The following THAP11 variants were observed in gnomAD, a reference collection of about 807,000 sequenced individuals.
The protein encoded by THAP11 is THAP domain containing 11.
In THAP11, 8 loss-of-function variants were observed where a neutral mutation model predicts 24.1. The ratio of observed to expected loss-of-function variants is 0.33; its 90% CI spans 0.20 to 0.60. The LOEUF is 0.60. Among genes scored for constraint, THAP11 ranks in the 20% least tolerant of loss-of-function variants. THAP11 has a pLI of 0.82. For missense variants in THAP11, 276 were observed against 418.4 expected, an observed-to-expected ratio of 0.66 and a Z score of 2.97; for synonymous variants, 222 against 180.2, an observed-to-expected ratio of 1.23 and a Z score of -1.86.
At position 67,842,722 on chromosome 16, in the gene THAP11, A is replaced by C. The variant is rs1193733631; in HGVS notation, c.168A>C (p.Thr56=). 1.2e-6 allele frequency: 2 copies of C among 1,606,382 alleles called. No individual in the cohort carries two copies. The highest frequency in any genetic ancestry group is 1.7e-6 in the Non-Finnish European group (2 of 1,176,566). ...SGCFSTFQPT[T]GHRLCSVHFQ... ...GCTTCTCCACCTTCCAGCCCACCAC[A>C]GGCCACCGTCTCTGCAGCGTTCACT... Residue 56 remains threonine, a synonymous_variant, in exon 1 of 1, where the codon ACA becomes ACC. Transcript: ENST00000303596. This position sits in a 1 kb window ranked among gnomAD's most constrained non-coding sequence, Gnocchi z 4.9.
At position 67,843,816 on chromosome 16, in the gene THAP11, G is replaced by T; in HGVS notation, c.*317G>T. 3.1e-6 allele frequency: 1 copy of T among 324,356 alleles called. No homozygotes were observed. The highest frequency in any genetic ancestry group is 5.3e-5 in the South Asian group (1 of 18,786). The allele number at this position is 324,356 out of a possible 1,614,324, so 20.1% of individuals were successfully genotyped here. A position where few individuals can be genotyped will look rare whatever the true frequency, so the allele number is the denominator to read the frequency against. On this transcript the variant is annotated 3_prime_UTR_variant, in exon 1 of 1. Coordinates refer to ENST00000303596, the MANE Select transcript of THAP11 (RefSeq NM_020457.3). The surrounding 1 kb of genome is among the most constrained non-coding windows in gnomAD (Gnocchi z 5.7). ...ACTTACCCTCTAGGGATGCAGGTGG[G>T]ATGTCCAGGGACTATAGGTTTGGGA... is the stretch of plus-strand genomic sequence containing the variant.
In THAP11 at chr16:67,842,548, C is replaced by T. The variant is rs2057769420; in HGVS notation, c.-7C>T. The T allele has an allele frequency of 6.6e-7, 1 of 1,509,964 alleles. No individual in the cohort carries two copies. The highest frequency in any genetic ancestry group is 2.5e-5 in the East Asian group (1 of 40,318). The allele number at this position is 1,509,964 out of a possible 1,614,324, so 93.5% of individuals were successfully genotyped here. On this transcript the variant is annotated 5_prime_UTR_variant, in exon 1 of 1. Coordinates refer to ENST00000303596, the MANE Select transcript of THAP11 (RefSeq NM_020457.3). The surrounding 1 kb of genome is among the most constrained non-coding windows in gnomAD (Gnocchi z 4.9). ...CGGTGGGCCGGGCCGGGCCGCGCGG[C>T]GCAGCCATGCCTGGCTTTACGTGCT...
chr16:67,843,326 C>T lies in THAP11; in HGVS notation c.772C>T (p.Leu258=), dbSNP rs761681569. The T allele has an allele frequency of 6.2e-6, 10 of 1,613,938 alleles. No individual in the cohort carries two copies. The Admixed American group carries it at 1.3e-4, about 22-fold the overall frequency. ...LSSGTTEEEL[L]RKLNEQRDIL... ...GTCAGGCACCACGGAGGAGGAGCTC[C>T]TGCGCAAGCTGAATGAGCAGCGGGA... The change falls in exon 1 of 1, where the codon CTG becomes TTG. Residue 258 remains leucine, a synonymous_variant. Transcript: ENST00000303596. The surrounding 1 kb of genome is among the most constrained non-coding windows in gnomAD (Gnocchi z 5.7).
chr16:67,842,878 GCAGCAGCAGCAGCAA>G lies in THAP11; in HGVS notation c.333_347del (p.Gln128_Gln132del), dbSNP rs757813379. The G allele has an allele frequency of 1.9e-6, 3 of 1,592,950 alleles. No individual in the cohort carries two copies. The highest frequency in any genetic ancestry group is 1.7e-4 in the Middle Eastern group (1 of 5,864). ...CCCGCCGCAGGCAGCAGCAGCAACA[GCAGCAGCAGCAGCAA>G]CAGCAGCAACAGCAGCAGCAGCAGC... is the stretch of plus-strand genomic sequence containing the variant. On this transcript the variant is annotated inframe_deletion, in exon 1 of 1. Coordinates refer to ENST00000303596, the MANE Select transcript of THAP11 (RefSeq NM_020457.3). This position sits in a 1 kb window ranked among gnomAD's most constrained non-coding sequence, Gnocchi z 4.9.
Position 67,843,466 on chromosome 16 carries a change from C to G in THAP11, c.912C>G (p.Ala304=). 3 of 1,612,730 alleles carry G rather than the reference C, an allele frequency of 1.9e-6. No individual in the cohort carries two copies. The highest frequency in any genetic ancestry group is 2.5e-6 in the Non-Finnish European group (3 of 1,179,308). The change falls in exon 1 of 1, where the codon GCC becomes GCG. Residue 304 remains alanine (A), a synonymous_variant. Transcript: ENST00000303596. This position sits in a 1 kb window ranked among gnomAD's most constrained non-coding sequence, Gnocchi z 5.7. ...EELREKDRLL[A]MAVIRKKHGM ...TGCGTGAGAAGGATCGGCTGCTTGC[C>G]ATGGCTGTCATCCGCAAGAAGCACG...
In THAP11 at chr16:67,843,428, C is replaced by T. The variant is rs2057778547; in HGVS notation, c.874C>T (p.Leu292=). Residue 292 remains leucine (L), a synonymous_variant, in exon 1 of 1, where the codon CTG becomes TTG. Coordinates refer to ENST00000303596, the MANE Select transcript of THAP11 (RefSeq NM_020457.3). This position sits in a 1 kb window ranked among gnomAD's most constrained non-coding sequence, Gnocchi z 5.7. The part of the protein sequence containing the change: ...IRHLRLTEAK[L]REELREKDRL... ...CCACCTGCGTCTCACTGAGGCCAAG[C>T]TGCGCGAAGAACTGCGTGAGAAGGA... The T allele has an allele frequency of 6.2e-7, 1 of 1,613,968 alleles. No individual in the cohort carries two copies. Among genetic ancestry groups the T allele is most frequent in the Non-Finnish European group, 8.5e-7 (1 of 1,180,032 alleles).
Position 67,842,748 on chromosome 16 carries a change from TC to T in THAP11, c.196del (p.Gln66ArgfsTer25). ...GGCCACCGTCTCTGCAGCGTTCACTTCCAGGGCGGCCGCAAGACCTACACGG... is the reference window on the plus strand; with the variant it reads ...GGCCACCGTCTCTGCAGCGTTCACTTCAGGGCGGCCGCAAGACCTACACGG... ...TTGHRLCSVH[F>X]QGGRKTYTVR... On this transcript the variant is annotated frameshift_variant, in exon 1 of 1. Transcript: ENST00000303596. LOFTEE classifies it high-confidence loss of function. The surrounding 1 kb of genome is among the most constrained non-coding windows in gnomAD (Gnocchi z 4.9). The T allele has an allele frequency of 6.2e-7, 1 of 1,608,710 alleles. No homozygotes were observed.
rs149782764 is a variant in THAP11 at position 67,842,969 on chromosome 16, A to G, written c.415A>G (p.Thr139Ala). The part of the protein sequence containing the change: ...QQQQSSPSAS[T>A]AQTAQLQPNL... Reference sequence around the variant, plus strand: ...GCAGCAGTCCTCACCCTCTGCCTCCACTGCCCAGACTGCCCAGCTGCAGCC... The same window carrying G: ...GCAGCAGTCCTCACCCTCTGCCTCCGCTGCCCAGACTGCCCAGCTGCAGCC... Residue 139 changes from threonine to alanine, a missense_variant, in exon 1 of 1, where the codon ACT becomes GCT. By Grantham distance (58) the Thr-to-Ala change is moderately conservative. Transcript: ENST00000303596. The surrounding 1 kb of genome is among the most constrained non-coding windows in gnomAD (Gnocchi z 4.9). 17 of 1,607,714 alleles carry G rather than the reference A, an allele frequency of 1.1e-5. No homozygotes were observed. The African/African-American group carries it at 2.1e-4, about 20-fold the overall frequency.
In THAP11 at chr16:67,843,176, G is replaced by A. The variant is rs150290499; in HGVS notation, c.622G>A (p.Ala208Thr). ...AAEGAAAAAA[A>T]SELQAATAGL... The stretch of plus-strand genomic sequence containing the variant: ...AGAGGGCGCAGCCGCTGCGGCCGCC[G>A]CGTCGGAGTTACAGGCTGCTACCGC... Residue 208 changes from alanine (A) to threonine (T), a missense_variant, in exon 1 of 1, where the codon GCG becomes ACG. Ala to Thr is a moderately conservative substitution (Grantham distance 58, BLOSUM62 0). This residue lies in a region of THAP11 where 210 missense variants were observed against 203.4 expected (regional missense o/e 1.03). Transcript: ENST00000303596. This position sits in a 1 kb window ranked among gnomAD's most constrained non-coding sequence, Gnocchi z 5.7. 1.2e-6 allele frequency: 2 copies of A among 1,610,816 alleles called. No individual in the cohort carries two copies. The highest frequency in any genetic ancestry group is 1.7e-6 in the Non-Finnish European group (2 of 1,179,578).
chr16:67,843,563 G>T lies in THAP11; in HGVS notation c.*64G>T. 1 of 1,518,048 alleles carries T rather than the reference G, an allele frequency of 6.6e-7. No individual in the cohort carries two copies. The highest frequency in any genetic ancestry group is 8.9e-7 in the Non-Finnish European group (1 of 1,119,348). 94.0% of individuals were successfully genotyped at this position (1,518,048 alleles called of 1,614,324 possible). A position where few individuals can be genotyped will look rare whatever the true frequency, so the allele number is the denominator to read the frequency against. On this transcript the variant is annotated 3_prime_UTR_variant, in exon 1 of 1. Coordinates refer to ENST00000303596, the MANE Select transcript of THAP11 (RefSeq NM_020457.3). This position sits in a 1 kb window ranked among gnomAD's most constrained non-coding sequence, Gnocchi z 5.7. ...TCCAGCCAGGGGACCGCAGGCCATT[G>T]TTGAACTCCTCTATACTCCTGGGCA...
At position 67,842,476 on chromosome 16, in the gene THAP11, G is replaced by A; in HGVS notation, c.-79G>A. The A allele has an allele frequency of 3.4e-6, 4 of 1,169,552 alleles. No individual in the cohort carries two copies. The highest frequency in any genetic ancestry group is 1.1e-6 in the Non-Finnish European group (1 of 923,554). 72.4% of individuals were successfully genotyped at this position (1,169,552 alleles called of 1,614,324 possible). On this transcript the variant is annotated 5_prime_UTR_variant, in exon 1 of 1. Coordinates refer to ENST00000303596, the MANE Select transcript of THAP11 (RefSeq NM_020457.3). This position sits in a 1 kb window ranked among gnomAD's most constrained non-coding sequence, Gnocchi z 4.9. Reference sequence around the variant, plus strand: ...GCCTCGCGCGGCGCCGCCCGTCGAGGGGCGGGCGGCGGCGTAGCCACTGGG... The same window carrying A: ...GCCTCGCGCGGCGCCGCCCGTCGAGAGGCGGGCGGCGGCGTAGCCACTGGG...
chr16:67,843,220 G>T lies in THAP11; in HGVS notation c.666G>T (p.Glu222Asp). The stretch of plus-strand genomic sequence containing the variant: ...CTACCGCAGGGCTGGAGGCTGCCGA[G>T]TGCCCTATGGGCCCCCAGTTGGTGG... ...QAATAGLEAA[E>D]CPMGPQLVVV... is the part of the protein sequence containing the mutation. The change falls in exon 1 of 1, where the codon GAG (glutamate) becomes GAT (aspartate). Residue 222 changes from glutamate to aspartate, a missense_variant. Physicochemically the swap from Glu to Asp is conservative, Grantham distance 45 (BLOSUM62 2). Coordinates refer to ENST00000303596, the MANE Select transcript of THAP11 (RefSeq NM_020457.3). This position sits in a 1 kb window ranked among gnomAD's most constrained non-coding sequence, Gnocchi z 5.7. The T allele has an allele frequency of 6.2e-7, 1 of 1,611,842 alleles. No homozygotes were observed. Among genetic ancestry groups the T allele is most frequent in the Non-Finnish European group, 8.5e-7 (1 of 1,179,518 alleles).
chr16:67,843,308 A>T lies in THAP11; in HGVS notation c.754A>T (p.Thr252Ser). ...CCATTCGTACTCCTTGTCGTCAGGCACCACGGAGGAGGAGCTCCTGCGCAA... is the reference window on the plus strand; with the variant it reads ...CCATTCGTACTCCTTGTCGTCAGGCTCCACGGAGGAGGAGCTCCTGCGCAA... ...SDHSYSLSSG[T>S]TEEELLRKLN... is the part of the protein sequence containing the mutation. Residue 252 changes from threonine to serine, a missense_variant, in exon 1 of 1, where the codon ACC becomes TCC. Physicochemically the swap from Thr to Ser is moderately conservative, Grantham distance 58. This residue lies in a region of THAP11 where 38 missense variants were observed against 95.9 expected (regional missense o/e 0.40). Transcript: ENST00000303596. This position sits in a 1 kb window ranked among gnomAD's most constrained non-coding sequence, Gnocchi z 5.7. 2 of 1,613,912 alleles carry T rather than the reference A, an allele frequency of 1.2e-6. No homozygotes were observed. The highest frequency in any genetic ancestry group is 1.7e-6 in the Non-Finnish European group (2 of 1,180,034).
chr16:67,842,392 G>T lies in THAP11; in HGVS notation c.-163G>T, dbSNP rs904044616. ...GCGGGCCGGCAGGAAGCGTATTCTG[G>T]GCACGGGGCGCCGGGCGGGCCGGCT... is the stretch of plus-strand genomic sequence containing the variant. On this transcript the variant is annotated 5_prime_UTR_variant, in exon 1 of 1. Coordinates refer to ENST00000303596, the MANE Select transcript of THAP11 (RefSeq NM_020457.3). The surrounding 1 kb of genome is among the most constrained non-coding windows in gnomAD (Gnocchi z 4.9). The T allele has an allele frequency of 2.8e-6, 1 of 357,008 alleles. No individual in the cohort carries two copies. The highest frequency in any genetic ancestry group is 7.8e-5 in the East Asian group (1 of 12,862). 22.1% of individuals were successfully genotyped at this position (357,008 alleles called of 1,614,324 possible). A position where few individuals can be genotyped will look rare whatever the true frequency, so the allele number is the denominator to read the frequency against.
chr16:67,843,728 T>G lies in THAP11; in HGVS notation c.*229T>G. On this transcript the variant is annotated 3_prime_UTR_variant, in exon 1 of 1. Transcript: ENST00000303596. This position sits in a 1 kb window ranked among gnomAD's most constrained non-coding sequence, Gnocchi z 5.7. ...CCAGCAATTATGACTTTGTCTACCC[T>G]TCCTCCCCAGTTATTGTTGCAGATT... 1 of 494,128 alleles carries G rather than the reference T, an allele frequency of 2.0e-6. No individual in the cohort carries two copies. Among genetic ancestry groups the G allele is most frequent in the Non-Finnish European group, 3.7e-6 (1 of 270,728 alleles). The allele number at this position is 494,128 out of a possible 1,614,324, so 30.6% of individuals were successfully genotyped here.
chr16:67,843,724 A>G lies in THAP11; in HGVS notation c.*225A>G, dbSNP rs938215484. On this transcript the variant is annotated 3_prime_UTR_variant, in exon 1 of 1. Coordinates refer to ENST00000303596, the MANE Select transcript of THAP11 (RefSeq NM_020457.3). This position sits in a 1 kb window ranked among gnomAD's most constrained non-coding sequence, Gnocchi z 5.7. ...GACACCAGCAATTATGACTTTGTCT[A>G]CCCTTCCTCCCCAGTTATTGTTGCA... is the stretch of plus-strand genomic sequence containing the variant. 2.4e-5 allele frequency: 12 copies of G among 506,198 alleles called. No individual in the cohort carries two copies. The highest frequency in any genetic ancestry group is 3.8e-5 in the Admixed American group (1 of 26,234). The allele number at this position is 506,198 out of a possible 1,614,324, so 31.4% of individuals were successfully genotyped here. A position where few individuals can be genotyped will look rare whatever the true frequency, so the allele number is the denominator to read the frequency against.
rs1598151584 is a variant in THAP11, at chr16:67,844,063, C to T, written c.*564C>T. The T allele has an allele frequency of 6.0e-6, 1 of 167,196 alleles. No individual in the cohort carries two copies. The highest frequency in any genetic ancestry group is 2.4e-5 in the African/African-American group (1 of 41,452). The allele number at this position is 167,196 out of a possible 1,614,324, so 10.4% of individuals were successfully genotyped here. Reference sequence around the variant, plus strand: ...GGATGACCTGCTGATGGAGATCCAGCTTGCCAGGGACTTAGGTTTATCCTG... The same window carrying T: ...GGATGACCTGCTGATGGAGATCCAGTTTGCCAGGGACTTAGGTTTATCCTG... On this transcript the variant is annotated 3_prime_UTR_variant, in exon 1 of 1. Coordinates refer to ENST00000303596, the MANE Select transcript of THAP11 (RefSeq NM_020457.3).
At position 67,844,130 on chromosome 16, in the gene THAP11, T is replaced by G. The variant is rs2057782489; in HGVS notation, c.*631T>G. ...TTACAAATTCTATTTTCTGTACAATTAGTCAGACTAAAGTTTTCACTGTGT... is the reference window on the plus strand; with the variant it reads ...TTACAAATTCTATTTTCTGTACAATGAGTCAGACTAAAGTTTTCACTGTGT... On this transcript the variant is annotated 3_prime_UTR_variant, in exon 1 of 1. Coordinates refer to ENST00000303596, the MANE Select transcript of THAP11 (RefSeq NM_020457.3). 6.0e-6 allele frequency: 1 copy of G among 166,914 alleles called. No homozygotes were observed. The highest frequency in any genetic ancestry group is 6.5e-5 in the Admixed American group (1 of 15,286). The allele number at this position is 166,914 out of a possible 1,614,324, so 10.3% of individuals were successfully genotyped here.
At position 67,842,446 on chromosome 16, in the gene THAP11, C is replaced by G; in HGVS notation, c.-109C>G. 1.2e-6 allele frequency: 1 copy of G among 867,314 alleles called. No individual in the cohort carries two copies. The allele number at this position is 867,314 out of a possible 1,614,324, so 53.7% of individuals were successfully genotyped here. On this transcript the variant is annotated 5_prime_UTR_variant, in exon 1 of 1. Coordinates refer to ENST00000303596, the MANE Select transcript of THAP11 (RefSeq NM_020457.3). The surrounding 1 kb of genome is among the most constrained non-coding windows in gnomAD (Gnocchi z 4.9). Reference sequence around the variant, plus strand: ...CCGAGCGGCAGTGGTGGGATACCACCCAAGGCCTCGCGCGGCGCCGCCCGT... The same window carrying G: ...CCGAGCGGCAGTGGTGGGATACCACGCAAGGCCTCGCGCGGCGCCGCCCGT...
Sources: gnomAD v4.1 joint callset for allele counts on GRCh38, gnomAD v4.1.1 for gene constraint, gnomAD v4.1.1 regional missense constraint, Gnocchi (gnomAD v3.1) non-coding constraint, MANE v1.5 for transcripts, NCBI Gene and HGNC (gene_info 2026-07-23, HGNC 2026-07-21) for gene names.